Variants in PRKRIP1 observed in about 807,000 individuals in gnomAD.
PRKRIP1 encodes PRKR-interacting protein 1.
A neutral mutation model predicts 29.3 loss-of-function variants in PRKRIP1; 29 were observed. The ratio of observed to expected loss-of-function variants is 0.99; its 90% CI spans 0.74 to 1.35. PRKRIP1 has a LOEUF of 1.35. Ranked by LOEUF, PRKRIP1 falls within the 40% of genes most tolerant of loss-of-function variation. PRKRIP1 has a pLI of 0.00. For missense variants in PRKRIP1, 247 were observed against 236.8 expected (o/e 1.04, Z -0.28); for synonymous variants, 90 against 85.1 (o/e 1.06, Z -0.32).
intron 5 of PRKRIP1, among the ~76,000 whole-genome samples, chr7:102,416,924 T>C (rs7385860): frequency 0.99 from 149,774 of 151,994 alleles, 73,827 homozygotes; most frequent in Middle Eastern, 1. Flanking sequence ...GGCGCGATCT[T>C]GGCTCACTGC....
At chr7:102,417,821 A>C (rs574049752) in intron 5 of PRKRIP1, among the ~76,000 whole-genome samples, 66 of 151,672 alleles carry the variant, frequency 4.4e-4, no homozygotes, top group Non-Finnish European at 7.1e-4. Flanking sequence ...GGGTCTCGCT[A>C]TATGGCCCAG....
At chr7:102,410,771 T>G (rs750083923) in intron 5 of PRKRIP1, among the ~76,000 whole-genome samples, 1 of 152,260 alleles carries the variant, frequency 6.6e-6, no homozygotes, top group African/African-American at 2.4e-5. Flanking sequence ...TACTCTTCCA[T>G]TCATCCCTTT....
intron 5 of PRKRIP1, among the ~76,000 whole-genome samples, chr7:102,412,619 A>G (rs1456413466): frequency 2.6e-5 from 4 of 152,278 alleles, no homozygotes; most frequent in Non-Finnish European, 5.9e-5. Context: ...TCATTTTGTG[A>G]GAGTAAGCAA....
intron 5 of PRKRIP1, among the ~76,000 whole-genome samples, chr7:102,410,671 G>A (rs1259625274): frequency 6.6e-6 from 1 of 152,160 alleles, no homozygotes; most frequent in Non-Finnish European, 1.5e-5. Flanking sequence ...ACAGCTCGAG[G>A]AGCATTTCCA....
intron 2 of PRKRIP1, among the ~76,000 whole-genome samples, chr7:102,399,058 G>T (rs111892826): frequency 6.6e-6 from 1 of 152,138 alleles, no homozygotes; most frequent in African/African-American, 2.4e-5. Flanking sequence ...GGAGGTTGAG[G>T]CTCCAATGAG....
chr7:102,402,655 T>C (rs1554571316), intron 3 of PRKRIP1, among the ~76,000 whole-genome samples: 1 of 151,938 alleles, frequency 6.6e-6, no homozygotes, highest in African/African-American at 2.4e-5. Context: ...TCTATGCAAA[T>C]GCAAAGATTC....
In PRKRIP1 at chr7:102,396,528, G is replaced by C. The variant is rs782800685; in HGVS notation, c.117G>C (p.Met39Ile). The C allele has an allele frequency of 6.8e-6, 11 of 1,608,324 alleles. No homozygotes were observed. Among genetic ancestry groups the C allele is most frequent in the Non-Finnish European group, 9.3e-6 (11 of 1,178,392 alleles). ...AGAAGCTCAAGCTGGAGCGGCTCAT[G>C]AAGAACCCGGTGAGACGAGGCCCAG... ...EEQKLKLERLMKNPDKAVPIP... is the reference protein window; with the variant it reads ...EEQKLKLERLIKNPDKAVPIP... The change falls in exon 1 of 6, where the codon ATG becomes ATC. Residue 39 changes from methionine to isoleucine, a missense_variant. By Grantham distance (10) the Met-to-Ile change is conservative. Transcript: ENST00000397912.
Position 102,424,966 on chromosome 7 carries a change from C to G in PRKRIP1, c.458-48C>G, listed in dbSNP as rs570116589. The stretch of plus-strand genomic sequence containing the variant: ...CTCTCCTCTTTGAAAGCACCCTTGA[C>G]CCTGAACGATTTTGCATGTCTGTAA... On this transcript the variant is annotated intron_variant, in intron 5 of 5. Coordinates refer to ENST00000397912, the MANE Select transcript of PRKRIP1 (RefSeq NM_024653.4). The G allele has an allele frequency of 1.6e-5, 25 of 1,587,188 alleles. No individual in the cohort carries two copies. In the South Asian group the frequency reaches 2.8e-4, roughly 18 times the overall value.
intron 4 of PRKRIP1, 32 bp from the exon 5 acceptor site, chr7:102,407,402 A>G: frequency 7.2e-7 from 1 of 1,382,006 alleles, no homozygotes; most frequent in Non-Finnish European, 1.0e-6. Context: ...AATGTAGTTA[A>G]GGAATCAATG....
At chr7:102,410,577 C>T (rs1554572431) in intron 5 of PRKRIP1, among the ~76,000 whole-genome samples, 1 of 152,126 alleles carries the variant, frequency 6.6e-6, no homozygotes, top group African/African-American at 2.4e-5. Context: ...TCTTGGTTTT[C>T]AAGACTCCCT....
chr7:102,417,727 C>T (rs1175640496), intron 5 of PRKRIP1, among the ~76,000 whole-genome samples: 1 of 150,572 alleles, frequency 6.6e-6, no homozygotes, highest in Non-Finnish European at 1.5e-5. Flanking sequence ...AAACAATCCT[C>T]TCGCCTCAGC....
At chr7:102,400,377 G>A (rs1586674507) in intron 3 of PRKRIP1, among the ~76,000 whole-genome samples, 2 of 152,154 alleles carry the variant, frequency 1.3e-5, no homozygotes, top group Middle Eastern at 3.4e-3. Flanking sequence ...GCCATAAAAA[G>A]GAACAAACTA....
rs759502260 is a variant in PRKRIP1 at position 102,425,062 on chromosome 7, C to G, written c.506C>G (p.Ser169Cys). 30 of 1,613,668 alleles carry G rather than the reference C, an allele frequency of 1.9e-5. No homozygotes were observed. In the Admixed American group the frequency reaches 4.8e-4, roughly 26 times the overall value. ...GGGTCCAGCAGCTCTGCGGAGGCAT[C>G]TGGAACAGAGGAGGAGGAGGAAGTG... ...EQGSSSSAEA[S>C]GTEEEEEVPS... The change falls in exon 6 of 6, where the codon TCT (serine) becomes TGT (cysteine). Residue 169 changes from serine to cysteine, a missense_variant. Coordinates refer to ENST00000397912, the MANE Select transcript of PRKRIP1 (RefSeq NM_024653.4).
At chr7:102,420,332 G>C (rs1796663381) in intron 5 of PRKRIP1, among the ~76,000 whole-genome samples, 1 of 152,156 alleles carries the variant, frequency 6.6e-6, no homozygotes, top group African/African-American at 2.4e-5. Flanking sequence ...ATTCCATGCT[G>C]TACTCCCACC....
intron 5 of PRKRIP1, among the ~76,000 whole-genome samples, chr7:102,415,482 C>T (rs781884848): frequency 2.6e-5 from 4 of 152,222 alleles, no homozygotes; most frequent in African/African-American, 7.2e-5. Flanking sequence ...GTGATTCACC[C>T]GCGTTGGCCT....
Position 102,425,001 on chromosome 7 carries a change from C to G in PRKRIP1, c.458-13C>G, listed in dbSNP as rs782013735. On this transcript the variant is annotated splice_polypyrimidine_tract_variant and intron_variant, in intron 5 of 5. Coordinates refer to ENST00000397912, the MANE Select transcript of PRKRIP1 (RefSeq NM_024653.4). ...TTTTGCATGTCTGTAATTTGAATGTCGTGTGGTTACAGGACCCGGTCAGCC... is the reference window on the plus strand; with the variant it reads ...TTTTGCATGTCTGTAATTTGAATGTGGTGTGGTTACAGGACCCGGTCAGCC... 1 of 1,607,690 alleles carries G rather than the reference C, an allele frequency of 6.2e-7. No individual in the cohort carries two copies. The highest frequency in any genetic ancestry group is 1.3e-5 in the African/African-American group (1 of 74,482).
intron 5 of PRKRIP1, chr7:102,423,333 C>T (rs1215837507): frequency 2.7e-6 from 1 of 374,100 alleles, no homozygotes; most frequent in African/African-American, 2.1e-5. Context: ...TCAGGCTGGT[C>T]TCAAACTCCT....
chr7:102,404,584 G>C lies in PRKRIP1; in HGVS notation c.307-14G>C. On this transcript the variant is annotated splice_polypyrimidine_tract_variant and intron_variant, in intron 3 of 5. Coordinates refer to ENST00000397912, the MANE Select transcript of PRKRIP1 (RefSeq NM_024653.4). Reference sequence around the variant, plus strand: ...AGACCAGAGCGTGTCTAAATGATGTGGGTTTTGTTGCAGCAAAAATTGGAT... The same window carrying C: ...AGACCAGAGCGTGTCTAAATGATGTCGGTTTTGTTGCAGCAAAAATTGGAT... 1.9e-6 allele frequency: 3 copies of C among 1,610,300 alleles called. No individual in the cohort carries two copies. The South Asian group carries it at 3.3e-5, about 18-fold the overall frequency.
intron 5 of PRKRIP1, among the ~76,000 whole-genome samples, chr7:102,417,694 C>T (rs1313136209): frequency 6.7e-6 from 1 of 148,862 alleles, no homozygotes; most frequent in Non-Finnish European, 1.5e-5. Flanking sequence ...TCATAGCTCA[C>T]TGCATCCTCA....
Sources: allele counts gnomAD v4.1 joint callset (sites outside exome capture counted in the v4.1 genomes callset), GRCh38; gene constraint gnomAD v4.1.1; transcripts MANE v1.5; gene names NCBI Gene and HGNC (gene_info 2026-07-23, HGNC 2026-07-21).